WWOX: variants seen among roughly 807,000 people sequenced by gnomAD.
The protein encoded by WWOX is WW domain containing oxidoreductase.
A neutral mutation model predicts 46.2 loss-of-function variants in WWOX; 69 were observed. That is an observed-to-expected ratio of 1.49 (90% confidence interval 1.23 to 1.82). The LOEUF (loss-of-function observed/expected upper bound fraction) is 1.82. Ranked by LOEUF, WWOX falls within the 40% of genes most tolerant of loss-of-function variation. WWOX has a pLI of 0.00. For missense variants in WWOX, 919 were observed against 542.6 expected (o/e 1.69, Z -6.89); for synonymous variants, 359 against 202.6 (o/e 1.77, Z -6.56).
At position 78,333,419 on chromosome 16, in the gene WWOX, C is replaced by T. The variant is rs547152136; in HGVS notation, c.517-53441C>T. Among the ~76,000 whole-genome samples, 382 of 152,136 alleles carry T rather than the reference C, an allele frequency of 2.5e-3. 2 individuals are homozygous for T. Among genetic ancestry groups the T allele is most frequent in the Middle Eastern group, 0.01 (3 of 294 alleles). Reference sequence around the variant, plus strand: ...GTTTATATAGAAAAAGTTGCCTTATCAACCATTATAATCATGGTATTTAGT... The same window carrying T: ...GTTTATATAGAAAAAGTTGCCTTATTAACCATTATAATCATGGTATTTAGT... On this transcript the variant is annotated intron_variant, in intron 5 of 8. Coordinates refer to ENST00000566780, the MANE Select transcript of WWOX (RefSeq NM_016373.4).
intron 6 of WWOX, among the ~76,000 whole-genome samples, chr16:78,418,694 A>G (rs1250453697): frequency 3.3e-5 from 5 of 152,184 alleles, no homozygotes; most frequent in African/African-American, 1.2e-4. Context: ...AGTAGAATAA[A>G]AGATCCTCTC....
At chr16:78,878,409 C>G (rs958315584) in intron 8 of WWOX, among the ~76,000 whole-genome samples, 2 of 152,190 alleles carry the variant, frequency 1.3e-5, no homozygotes, top group African/African-American at 2.4e-5. Flanking sequence ...ATTGACCTCT[C>G]TAAGCCTCAG....
At chr16:78,600,193 G>T (rs957922748) in intron 8 of WWOX, among the ~76,000 whole-genome samples, 1 of 152,088 alleles carries the variant, frequency 6.6e-6, no homozygotes, top group Admixed American at 6.5e-5. Flanking sequence ...TCATGATTCA[G>T]TTACGTTCCA....
chr16:78,763,258 C>G (rs78985151), intron 8 of WWOX, among the ~76,000 whole-genome samples: 5,230 of 152,328 alleles, frequency 0.034, 284 homozygotes, highest in African/African-American at 0.12. Flanking sequence ...TACCTGCATC[C>G]TGCAAATTTT....
chr16:78,538,536 C>G (rs913246136), intron 8 of WWOX, among the ~76,000 whole-genome samples: 15 of 152,166 alleles, frequency 9.9e-5, no homozygotes, highest in African/African-American at 3.4e-4. Flanking sequence ...TAACTGAACA[C>G]CTTCCAGACG....
chr16:78,643,260 T>A (rs2046763133), intron 8 of WWOX, among the ~76,000 whole-genome samples: 1 of 152,190 alleles, frequency 6.6e-6, no homozygotes, highest in South Asian at 2.1e-4. Context: ...TTATCATCTA[T>A]CAAATTTTTA....
At chr16:78,292,040 T>C (rs1005924) in intron 5 of WWOX, among the ~76,000 whole-genome samples, 77,755 of 150,954 alleles carry the variant, frequency 0.52, 20,806 homozygotes, top group East Asian at 0.77. Context: ...TTGTATGGCT[T>C]ATGAGATGAG....
chr16:78,721,005 G>T (rs1376939146), intron 8 of WWOX, among the ~76,000 whole-genome samples: 1 of 152,032 alleles, frequency 6.6e-6, no homozygotes, highest in Non-Finnish European at 1.5e-5. Flanking sequence ...CCTTTCAGCT[G>T]GTGAATTTAC....
At chr16:78,818,742 G>A (rs1361921506) in intron 8 of WWOX, among the ~76,000 whole-genome samples, 1 of 152,198 alleles carries the variant, frequency 6.6e-6, no homozygotes, top group Non-Finnish European at 1.5e-5. Flanking sequence ...TAACTAGCTT[G>A]CCAGTCAAGT....
chr16:78,767,438 C>A (rs2049949801), intron 8 of WWOX, among the ~76,000 whole-genome samples: 1 of 151,398 alleles, frequency 6.6e-6, no homozygotes, highest in African/African-American at 2.4e-5. Context: ...CACAAAATTT[C>A]TTTGTTATGG....
intron 8 of WWOX, among the ~76,000 whole-genome samples, chr16:78,597,179 G>A (rs894206960): frequency 5.3e-5 from 8 of 152,194 alleles, no homozygotes; most frequent in African/African-American, 1.4e-4. Context: ...AGCTTAGCAA[G>A]CATTTAGTAG....
At chr16:78,117,984 C>T (rs1463012681) in intron 4 of WWOX, among the ~76,000 whole-genome samples, 2 of 151,204 alleles carry the variant, frequency 1.3e-5, no homozygotes, top group African/African-American at 2.4e-5. Context: ...TCTAATTTGC[C>T]TTACAAAGGC....
At chr16:78,149,709 A>G (rs775183273) in intron 4 of WWOX, among the ~76,000 whole-genome samples, 2 of 152,176 alleles carry the variant, frequency 1.3e-5, no homozygotes, top group East Asian at 1.9e-4. Context: ...TGAGAAGCCT[A>G]TATCTCGTAA....
At chr16:78,836,165 G>A (rs952014289) in intron 8 of WWOX, among the ~76,000 whole-genome samples, 1 of 149,152 alleles carries the variant, frequency 6.7e-6, no homozygotes. Flanking sequence ...TAACAGCAGT[G>A]GTTAACATGC....
intron 8 of WWOX, among the ~76,000 whole-genome samples, chr16:78,914,193 C>G (rs1156552703): frequency 6.6e-6 from 1 of 152,028 alleles, no homozygotes; most frequent in Non-Finnish European, 1.5e-5. Flanking sequence ...ATTTCTCTGT[C>G]TAGCACTTAT....
chr16:78,804,689 T>G (rs530805004), intron 8 of WWOX, among the ~76,000 whole-genome samples: 96 of 150,596 alleles, frequency 6.4e-4, no homozygotes, highest in Middle Eastern at 6.8e-3. Context: ...CAAATTTCTG[T>G]TTTTTTTCTA....
intron 5 of WWOX, chr16:78,355,547 C>T (rs113112892): frequency 0.085 from 35,539 of 416,964 alleles, 2,925 homozygotes; most frequent in East Asian, 0.26. Flanking sequence ...CAACGTAGAC[C>T]AGCAGCAAAC....
At chr16:78,189,087 A>G (rs1244941866) in intron 5 of WWOX, among the ~76,000 whole-genome samples, 2 of 152,194 alleles carry the variant, frequency 1.3e-5, no homozygotes. Flanking sequence ...GCTGTGGCTG[A>G]GAACGTGCAG....
intron 8 of WWOX, among the ~76,000 whole-genome samples, chr16:78,520,455 A>G (rs181281250): frequency 2.0e-5 from 3 of 152,308 alleles, no homozygotes; most frequent in Admixed American, 6.5e-5. Flanking sequence ...TTTTACACAC[A>G]TATTTTGCAG....
Sources: allele counts gnomAD v4.1 joint callset (sites outside exome capture counted in the v4.1 genomes callset), GRCh38; gene constraint gnomAD v4.1.1; transcripts MANE v1.5; gene names NCBI Gene and HGNC (gene_info 2026-07-23, HGNC 2026-07-21).